Variants in MYOF observed in about 807,000 individuals in gnomAD.
The protein encoded by MYOF is fer-1-like 3, myoferlin.
In MYOF, 244 loss-of-function variants were observed where a neutral mutation model predicts 284.2. The observed-to-expected ratio is 0.86, with a 90% CI of 0.77 to 0.95. The LOEUF is 0.95. MYOF is among the 40% of genes least tolerant of loss of function. The pLI is 0.00. For missense variants in MYOF, 2,496 were observed against 2,560.6 expected, an observed-to-expected ratio of 0.97 and a Z score of 0.54; for synonymous variants, 904 against 919.7, an observed-to-expected ratio of 0.98 and a Z score of 0.31.
intron 25 of MYOF, 32 bp from the exon 26 acceptor site, chr10:93,366,587 C>G (rs367616883): frequency 6.4e-7 from 1 of 1,553,882 alleles, no homozygotes; most frequent in South Asian, 1.2e-5. Flanking sequence ...TGGAGAAACA[C>G]CATCAGAGAG....
intron 37 of MYOF, among the ~76,000 whole-genome samples, chr10:93,346,996 G>A (rs931229730): frequency 6.6e-5 from 10 of 152,156 alleles, no homozygotes; most frequent in African/African-American, 2.2e-4. Flanking sequence ...GAACATTCAT[G>A]AGCACTTAAC....
At chr10:93,339,409 C>T (rs1488892113) in intron 39 of MYOF, among the ~76,000 whole-genome samples, 1 of 141,322 alleles carries the variant, frequency 7.1e-6, no homozygotes, top group African/African-American at 2.5e-5. Context: ...GTGTGTGTTA[C>T]ACATACTTAC....
At chr10:93,328,990 A>T in intron 44 of MYOF, 79 bp from the exon 45 acceptor site, 1 of 1,433,316 alleles carries the variant, frequency 7.0e-7, no homozygotes, top group African/African-American at 1.4e-5. Context: ...ATGCTCATGT[A>T]CTCTTAGGTG....
intron 51 of MYOF, among the ~76,000 whole-genome samples, chr10:93,312,728 C>T (rs1345552249): frequency 6.6e-6 from 1 of 152,042 alleles, no homozygotes; most frequent in African/African-American, 2.4e-5. Context: ...CATTAATTAA[C>T]TTCCCTGATG....
chr10:93,416,923 A>G (rs1451962385), intron 5 of MYOF, among the ~76,000 whole-genome samples: 1 of 152,168 alleles, frequency 6.6e-6, no homozygotes, highest in Non-Finnish European at 1.5e-5. Flanking sequence ...TAATAGAATC[A>G]TAGAACTTCG....
Position 93,452,100 on chromosome 10 carries a change from T to A in MYOF, c.186A>T (p.Ser62=). 1 of 1,613,226 alleles carries A rather than the reference T, an allele frequency of 6.2e-7. No individual in the cohort carries two copies. The highest frequency in any genetic ancestry group is 8.5e-7 in the Non-Finnish European group (1 of 1,179,834). ...CTTTCACAATAATCCCAAGGGAAGATGAAAAGTCCAGTGGTATACCCCTCA... is the reference window on the plus strand; with the variant it reads ...CTTTCACAATAATCCCAAGGGAAGAAGAAAAGTCCAGTGGTATACCCCTCA... ...FDLRGIPLDF[S]SSLGIIVKDF... The change falls in exon 3 of 54, where the codon TCA becomes TCT. Residue 62 remains serine, a synonymous_variant. Coordinates refer to ENST00000359263, the MANE Select transcript of MYOF (RefSeq NM_013451.4).
At chr10:93,453,909 G>A (rs968341729) in intron 2 of MYOF, among the ~76,000 whole-genome samples, 1 of 151,812 alleles carries the variant, frequency 6.6e-6, no homozygotes, top group Non-Finnish European at 1.5e-5. Flanking sequence ...AGAGCCGGGC[G>A]CAGTGGCTCA....
chr10:93,367,543 C>A (rs1214054871), intron 25 of MYOF, among the ~76,000 whole-genome samples: 1 of 152,138 alleles, frequency 6.6e-6, no homozygotes, highest in African/African-American at 2.4e-5. Flanking sequence ...GAACTGTTAT[C>A]CTAAGGGACC....
In MYOF at chr10:93,402,216, GA is replaced by G; in HGVS notation, c.990+15del. ...TTTAGTGAGAAGTGTAGAAAGTAGA[GA>G]ATGTAGGGACTCACAGGAGGCTCAT... On this transcript the variant is annotated intron_variant, in intron 11 of 53. Coordinates refer to ENST00000359263, the MANE Select transcript of MYOF (RefSeq NM_013451.4). The G allele has an allele frequency of 6.3e-7, 1 of 1,599,724 alleles. No homozygotes were observed. The highest frequency in any genetic ancestry group is 2.2e-5 in the East Asian group (1 of 44,810).
intron 3 of MYOF, among the ~76,000 whole-genome samples, chr10:93,436,870 A>G (rs1166853411): frequency 6.6e-6 from 1 of 152,236 alleles, no homozygotes; most frequent in Non-Finnish European, 1.5e-5. Context: ...CTAGAATATT[A>G]TAGTGTGACA....
At chr10:93,440,521 G>T (rs765575214) in intron 3 of MYOF, among the ~76,000 whole-genome samples, 1 of 151,734 alleles carries the variant, frequency 6.6e-6, no homozygotes, top group South Asian at 2.1e-4. Context: ...TATTTTCTTC[G>T]TATCACTTAT....
At position 93,334,950 on chromosome 10, in the gene MYOF, C is replaced by G. The variant is rs1843527818; in HGVS notation, c.4563+971G>C. 2.0e-5 allele frequency among the ~76,000 whole-genome samples: 3 copies of G among 152,186 alleles called. No homozygotes were observed. The South Asian group carries it at 6.2e-4, about 32-fold the overall frequency. Reference sequence around the variant, plus strand: ...CTGCTACAGGCAAAGGATTATAAAGCAGCAGCAGCACATCTGCCATGACTT... The same window carrying G: ...CTGCTACAGGCAAAGGATTATAAAGGAGCAGCAGCACATCTGCCATGACTT... On this transcript the variant is annotated intron_variant, in intron 41 of 53. Transcript: ENST00000359263.
At chr10:93,333,467 C>T (rs1843434197) in intron 42 of MYOF, among the ~76,000 whole-genome samples, 155 bp from the exon 43 acceptor site, 1 of 149,598 alleles carries the variant, frequency 6.7e-6, no homozygotes, top group Non-Finnish European at 1.5e-5. Context: ...GCAATGCTCT[C>T]CTTTGGGTGG....
intron 16 of MYOF, among the ~76,000 whole-genome samples, chr10:93,393,486 G>C (rs915452926): frequency 6.6e-6 from 1 of 152,184 alleles, no homozygotes; most frequent in African/African-American, 2.4e-5. Context: ...TGCAATGAGA[G>C]GCCCCAGAGA....
At chr10:93,340,008 G>A (rs1284295662) in intron 39 of MYOF, 145 bp downstream of exon 39, 3 of 779,204 alleles carry the variant, frequency 3.9e-6, no homozygotes, top group Non-Finnish European at 4.1e-6. Context: ...GAACCCCGGG[G>A]GGCGGAGCCT....
chr10:93,448,703 G>A (rs977825667), intron 3 of MYOF, among the ~76,000 whole-genome samples: 1 of 152,190 alleles, frequency 6.6e-6, no homozygotes, highest in African/African-American at 2.4e-5. Context: ...CTGGATAAGA[G>A]GCAAGAGGGA....
intron 3 of MYOF, 26 bp downstream of exon 3, chr10:93,452,024 G>T: frequency 1.3e-6 from 2 of 1,507,498 alleles, no homozygotes; most frequent in South Asian, 1.2e-5. Context: ...TACCTAAAAT[G>T]AGAAAAACAG....
intron 5 of MYOF, among the ~76,000 whole-genome samples, chr10:93,419,470 G>T (rs1226060568): frequency 6.6e-6 from 1 of 151,898 alleles, no homozygotes; most frequent in African/African-American, 2.4e-5. Flanking sequence ...GCCCCAAAAT[G>T]CCCTTCTTAA....
At chr10:93,455,039 T>TA (rs1237595802) in intron 2 of MYOF, among the ~76,000 whole-genome samples, 1 of 139,330 alleles carries the variant, frequency 7.2e-6, no homozygotes, top group African/African-American at 2.8e-5. Context: ...CTTATGCGTG[T>TA]AATCCCAGGA....
Sources: allele counts gnomAD v4.1 joint callset (sites outside exome capture counted in the v4.1 genomes callset), GRCh38; gene constraint gnomAD v4.1.1; transcripts MANE v1.5; gene names NCBI Gene and HGNC (gene_info 2026-07-23, HGNC 2026-07-21).